Variants in PEX5L observed in about 807,000 individuals in gnomAD.
The protein encoded by PEX5L is peroxisomal biogenesis factor 5 like, also known as PEX5-related protein.
A neutral mutation model predicts 84.0 loss-of-function variants in PEX5L; 30 were observed. The ratio of observed to expected loss-of-function variants is 0.36; its 90% CI spans 0.27 to 0.48. The LOEUF (loss-of-function observed/expected upper bound fraction) is 0.48. Ranked by LOEUF, PEX5L falls within the 20% of genes least tolerant of loss-of-function variation. The pLI is 0.99. For synonymous variants in PEX5L, 270 were observed against 283.1 expected (o/e 0.95, Z 0.46); for missense variants, 533 against 754.6 (o/e 0.71, Z 3.44).
At chr3:179,885,577 C>T (rs1360899800) in intron 4 of PEX5L, among the ~76,000 whole-genome samples, 10 of 147,256 alleles carry the variant, frequency 6.8e-5, no homozygotes, top group Non-Finnish European at 1.0e-4. Flanking sequence ...ACCCAGGAGG[C>T]GGAGGTTGCA....
At chr3:180,030,504 T>C (rs1374021176) in intron 1 of PEX5L, among the ~76,000 whole-genome samples, 1 of 152,226 alleles carries the variant, frequency 6.6e-6, no homozygotes, top group Non-Finnish European at 1.5e-5. Context: ...AATACTTATA[T>C]AGAGTCATCA....
chr3:179,883,329 G>T (rs989278585), intron 4 of PEX5L, among the ~76,000 whole-genome samples: 1 of 152,184 alleles, frequency 6.6e-6, no homozygotes, highest in Non-Finnish European at 1.5e-5. Flanking sequence ...GTAGCAGGGG[G>T]ATTTCCAGCT....
chr3:179,979,235 C>T (rs1786084592), intron 1 of PEX5L, among the ~76,000 whole-genome samples: 1 of 132,858 alleles, frequency 7.5e-6, no homozygotes. Context: ...ACCCTCAAAA[C>T]CAAATTCAAA....
chr3:179,866,702 T>G (rs75332634), intron 7 of PEX5L, among the ~76,000 whole-genome samples: 2 of 152,084 alleles, frequency 1.3e-5, no homozygotes, highest in Non-Finnish European at 2.9e-5. Flanking sequence ...GATTTTTTTT[T>G]CTTAAACAGC....
intron 2 of PEX5L, among the ~76,000 whole-genome samples, chr3:179,909,447 A>C (rs1219105236): frequency 1.3e-5 from 2 of 152,206 alleles, no homozygotes; most frequent in African/African-American, 4.8e-5. Context: ...GAGATGACTT[A>C]AGTCAAAGCA....
chr3:179,829,779 T>C (rs1355319500), intron 8 of PEX5L, among the ~76,000 whole-genome samples: 12 of 149,812 alleles, frequency 8.0e-5, no homozygotes, highest in Admixed American at 6.0e-4. Context: ...TATCTTTTTT[T>C]TTTTTTTTTT....
chr3:180,001,181 C>G (rs560446557), intron 1 of PEX5L, among the ~76,000 whole-genome samples: 3 of 152,174 alleles, frequency 2.0e-5, no homozygotes, highest in Admixed American at 2.0e-4. Flanking sequence ...GTGCTGGATG[C>G]TTCCTGCCCT....
chr3:179,980,955 C>T (rs570127498), intron 1 of PEX5L, among the ~76,000 whole-genome samples: 66 of 149,892 alleles, frequency 4.4e-4, no homozygotes, highest in Middle Eastern at 3.5e-3. Flanking sequence ...AGCCTGGAGG[C>T]GGAGGTTGCA....
chr3:180,017,105 A>T (rs1790009454), intron 1 of PEX5L, among the ~76,000 whole-genome samples: 1 of 152,192 alleles, frequency 6.6e-6, no homozygotes, highest in Non-Finnish European at 1.5e-5. Context: ...ATGATAAAAT[A>T]AAAAAAGATC....
At chr3:179,995,475 G>A (rs569473294) in intron 1 of PEX5L, among the ~76,000 whole-genome samples, 1 of 152,016 alleles carries the variant, frequency 6.6e-6, no homozygotes, top group East Asian at 1.9e-4. Flanking sequence ...GAAATGTTTA[G>A]AGAGTTATGC....
At chr3:179,861,212 G>C (rs1577719792) in intron 7 of PEX5L, among the ~76,000 whole-genome samples, 1 of 152,320 alleles carries the variant, frequency 6.6e-6, no homozygotes, top group East Asian at 1.9e-4. Context: ...AATAGTTGTT[G>C]AAAATACGCT....
chr3:179,801,772 A>G lies in PEX5L; in HGVS notation c.*56T>C, dbSNP rs1290561150. On this transcript the variant is annotated 3_prime_UTR_variant, in exon 15 of 15. Coordinates refer to ENST00000467460, the MANE Select transcript of PEX5L (RefSeq NM_016559.3). ...GAAATTCATAATAAAATAGTTTTTGATTTTTCAGTACAATCACACAGATCA... is the reference window on the plus strand; with the variant it reads ...GAAATTCATAATAAAATAGTTTTTGGTTTTTCAGTACAATCACACAGATCA... The G allele has an allele frequency of 1.8e-6, 2 of 1,136,350 alleles. No homozygotes were observed. Among genetic ancestry groups the G allele is most frequent in the South Asian group, 1.3e-5 (1 of 79,230 alleles). 70.4% of individuals were successfully genotyped at this position (1,136,350 alleles called of 1,614,324 possible).
intron 2 of PEX5L, among the ~76,000 whole-genome samples, chr3:179,942,843 T>G (rs1433733229): frequency 6.6e-6 from 1 of 152,228 alleles, no homozygotes; most frequent in Non-Finnish European, 1.5e-5. Context: ...CTCTCCATTT[T>G]GTCCTCTTAG....
At chr3:179,941,305 C>G (rs74793561) in intron 2 of PEX5L, among the ~76,000 whole-genome samples, 1 of 152,218 alleles carries the variant, frequency 6.6e-6, no homozygotes, top group Non-Finnish European at 1.5e-5. Context: ...TTTCCCCCAA[C>G]TGGAATTCTG....
At chr3:179,832,705 A>C (rs1733587452) in intron 8 of PEX5L, among the ~76,000 whole-genome samples, 1 of 139,262 alleles carries the variant, frequency 7.2e-6, no homozygotes, top group African/African-American at 2.8e-5. Flanking sequence ...CCTACCCACC[A>C]ACCTTCCTAC....
chr3:179,921,802 A>G (rs1323301685), intron 2 of PEX5L: 1 of 152,114 alleles, frequency 6.6e-6, no homozygotes, highest in African/African-American at 2.4e-5. Flanking sequence ...CTACTACTCC[A>G]ACTCCTACAC....
At chr3:179,832,616 C>T (rs1733539204) in intron 8 of PEX5L, among the ~76,000 whole-genome samples, 1 of 151,342 alleles carries the variant, frequency 6.6e-6, no homozygotes, top group Admixed American at 6.6e-5. Context: ...ACCCACCTAC[C>T]CACCAACCTT....
Position 179,825,980 on chromosome 3 carries a change from A to C in PEX5L, c.823-6004T>G, listed in dbSNP as rs192055038. Among the ~76,000 whole-genome samples, 19 of 152,336 alleles carry C rather than the reference A, an allele frequency of 1.2e-4. 1 individual carries two copies. The highest frequency in any genetic ancestry group is 6.8e-3 in the Middle Eastern group (2 of 294). The stretch of plus-strand genomic sequence containing the variant: ...AGTATGGCAAAACAAAAATATTGGT[A>C]CTAGCACTCAGATTTTTCTAGTGAC... On this transcript the variant is annotated intron_variant, in intron 8 of 14. Transcript: ENST00000467460.
intron 10 of PEX5L, among the ~76,000 whole-genome samples, chr3:179,813,652 C>A (rs537528003): frequency 6.7e-6 from 1 of 149,096 alleles, no homozygotes; most frequent in South Asian, 2.1e-4. Context: ...CATGAGCCAT[C>A]CCACTCAACT....
Sources: allele counts gnomAD v4.1 joint callset (sites outside exome capture counted in the v4.1 genomes callset), GRCh38; gene constraint gnomAD v4.1.1; transcripts MANE v1.5; gene names NCBI Gene and HGNC (gene_info 2026-07-23, HGNC 2026-07-21).